GRIP1: variants seen among roughly 807,000 people sequenced by gnomAD.
The protein encoded by GRIP1 is glutamate receptor interacting protein 1, also known as glutamate receptor-interacting protein 1.
Under a neutral mutation model 129.9 loss-of-function variants are expected in GRIP1, and 45 were observed. The observed-to-expected ratio is 0.35, with a 90% CI of 0.27 to 0.44. GRIP1 has a LOEUF of 0.44. GRIP1 is among the 20% of genes least tolerant of loss of function. The pLI is 1.00. For synonymous variants in GRIP1, 530 were observed against 520.8 expected (o/e 1.02, Z -0.24); for missense variants, 1,196 against 1,396.8 (o/e 0.86, Z 2.29).
At chr12:66,707,167 C>T (rs148109539) in intron 1 of GRIP1, among the ~76,000 whole-genome samples, 113 of 151,794 alleles carry the variant, frequency 7.4e-4, no homozygotes, top group African/African-American at 2.6e-3. Flanking sequence ...TTATGTTCAC[C>T]CTTCTACTCT....
At chr12:67,059,472 A>G (rs2043494480) in intron 1 of GRIP1, among the ~76,000 whole-genome samples, 1 of 152,226 alleles carries the variant, frequency 6.6e-6, no homozygotes, top group African/African-American at 2.4e-5. Context: ...AATGCCCTTC[A>G]CCCAGGGCAA....
At chr12:66,543,351 C>G (rs895637262) in intron 2 of GRIP1, among the ~76,000 whole-genome samples, 1 of 152,084 alleles carries the variant, frequency 6.6e-6, no homozygotes, top group Non-Finnish European at 1.5e-5. Flanking sequence ...AAAGTAGAAG[C>G]CAAGGAGGAG....
intron 1 of GRIP1, among the ~76,000 whole-genome samples, chr12:66,996,185 A>G (rs2042464372): frequency 6.6e-6 from 1 of 152,108 alleles, no homozygotes; most frequent in Non-Finnish European, 1.5e-5. Flanking sequence ...TAATGGATAC[A>G]AGGTTTTCTT....
chr12:66,626,340 CAA>C (rs112364955), intron 1 of GRIP1, among the ~76,000 whole-genome samples: 1 of 141,154 alleles, frequency 7.1e-6, no homozygotes, highest in Non-Finnish European at 1.5e-5. Context: ...ACCCCATCTC[CAA>C]AAAAAAAAAA....
At chr12:66,411,061 T>A (rs2057382717) in intron 15 of GRIP1, among the ~76,000 whole-genome samples, 1 of 152,122 alleles carries the variant, frequency 6.6e-6, no homozygotes, top group African/African-American at 2.4e-5. Flanking sequence ...TGACTTAGCC[T>A]TTCCTGCCTG....
intron 1 of GRIP1, among the ~76,000 whole-genome samples, chr12:66,893,340 A>C (rs574197197): frequency 1.3e-5 from 2 of 152,292 alleles, no homozygotes; most frequent in Non-Finnish European, 2.9e-5. Context: ...CCCAGGCTCA[A>C]GAGATCCTCC....
At chr12:66,543,454 G>A (rs549425587) in intron 2 of GRIP1, among the ~76,000 whole-genome samples, 8 of 152,276 alleles carry the variant, frequency 5.3e-5, no homozygotes, top group Non-Finnish European at 8.8e-5. Flanking sequence ...CTTGTCAAGT[G>A]CATGAAAGTA....
At chr12:66,734,306 G>C (rs757403887) in intron 1 of GRIP1, among the ~76,000 whole-genome samples, 2 of 152,150 alleles carry the variant, frequency 1.3e-5, no homozygotes, top group Non-Finnish European at 2.9e-5. Flanking sequence ...GCTTTTCCTT[G>C]CTTCTGACAA....
chr12:66,814,254 T>C (rs1197425248), intron 1 of GRIP1, among the ~76,000 whole-genome samples: 1 of 152,112 alleles, frequency 6.6e-6, no homozygotes, highest in African/African-American at 2.4e-5. Flanking sequence ...GGATAAACAA[T>C]AGTACCATAT....
intron 23 of GRIP1, among the ~76,000 whole-genome samples, chr12:66,358,538 C>T (rs2054600362): frequency 1.3e-5 from 2 of 152,158 alleles, no homozygotes; most frequent in Admixed American, 6.5e-5. Flanking sequence ...CCTCCACCTC[C>T]CAGGCTCAGG....
chr12:66,479,702 CA>C (rs1403423774), intron 7 of GRIP1, among the ~76,000 whole-genome samples: 3 of 152,142 alleles, frequency 2.0e-5, no homozygotes, highest in Non-Finnish European at 2.9e-5. Flanking sequence ...TACAGCAGCA[CA>C]TCAAAAGCTT....
chr12:66,404,404 G>A (rs530592197), intron 16 of GRIP1, among the ~76,000 whole-genome samples: 1 of 152,152 alleles, frequency 6.6e-6, no homozygotes, highest in South Asian at 2.1e-4. Context: ...TACAGTAGAC[G>A]TTCTCTTAAC....
At chr12:66,766,363 C>T (rs2037637676) in intron 1 of GRIP1, among the ~76,000 whole-genome samples, 1 of 152,190 alleles carries the variant, frequency 6.6e-6, no homozygotes, top group Non-Finnish European at 1.5e-5. Context: ...TGTGGCCACT[C>T]TTCTAGAAGG....
chr12:67,033,487 G>T (rs2043052730), intron 1 of GRIP1, among the ~76,000 whole-genome samples: 1 of 152,036 alleles, frequency 6.6e-6, no homozygotes, highest in Admixed American at 6.6e-5. Flanking sequence ...TGTTCATTCA[G>T]TATGTACCTC....
chr12:66,549,686 C>T (rs1268068952), intron 2 of GRIP1, among the ~76,000 whole-genome samples: 1 of 152,068 alleles, frequency 6.6e-6, no homozygotes. Context: ...GGGCATTTTC[C>T]ACCTCTGTGT....
rs1253539254 is a variant in GRIP1, at chr12:66,371,706, CACAGGAGTTGGAGACAT to C, written c.2983_2999del (p.Met995GlyfsTer12). ...AAAGCTTACTGACCTTGTGCAGCTCCACAGGAGTTGGAGACATGATCTCCTTTATTTCTTGTTTCATT... is the reference window on the plus strand; with the variant it reads ...AAAGCTTACTGACCTTGTGCAGCTCCGATCTCCTTTATTTCTTGTTTCATT... On this transcript the variant is annotated frameshift_variant, in exon 23 of 25. Transcript: ENST00000359742. LOFTEE classifies it high-confidence loss of function. 1 of 1,608,982 alleles carries C rather than the reference CACAGGAGTTGGAGACAT, an allele frequency of 6.2e-7. No homozygotes were observed. Among genetic ancestry groups the C allele is most frequent in the East Asian group, 2.2e-5 (1 of 44,866 alleles).
At chr12:66,666,721 A>G (rs1159715654) in intron 1 of GRIP1, among the ~76,000 whole-genome samples, 1 of 151,874 alleles carries the variant, frequency 6.6e-6, no homozygotes, top group Non-Finnish European at 1.5e-5. Flanking sequence ...TTCTATATAC[A>G]TTTTTGCTTA....
chr12:66,978,521 G>A (rs903341563), intron 1 of GRIP1, among the ~76,000 whole-genome samples: 1 of 152,118 alleles, frequency 6.6e-6, no homozygotes, highest in Non-Finnish European at 1.5e-5. Context: ...AACATCTCAA[G>A]TCTCCTTCAA....
At chr12:66,417,550 T>C (rs1359816065) in intron 15 of GRIP1, among the ~76,000 whole-genome samples, 2 of 151,964 alleles carry the variant, frequency 1.3e-5, no homozygotes, top group African/African-American at 4.8e-5. Flanking sequence ...ACCTGAAGAC[T>C]CCACAAAAAA....
Sources: allele counts gnomAD v4.1 joint callset (sites outside exome capture counted in the v4.1 genomes callset), GRCh38; gene constraint gnomAD v4.1.1; transcripts MANE v1.5; gene names NCBI Gene and HGNC (gene_info 2026-07-23, HGNC 2026-07-21).